TPRG1: variants seen among roughly 807,000 people sequenced by gnomAD.
The protein encoded by TPRG1 is tumor protein p63-regulated gene 1 protein.
Under a neutral mutation model 29.3 loss-of-function variants are expected in TPRG1, and 29 were observed. The observed-to-expected ratio is 0.99, with a 90% CI of 0.74 to 1.35. TPRG1 has a LOEUF of 1.35. Among genes scored for constraint, TPRG1 ranks in the 40% most tolerant of loss-of-function variants. The pLI is 0.00. For synonymous variants in TPRG1, 130 were observed against 116.8 expected, an observed-to-expected ratio of 1.11 and a Z score of -0.73; for missense variants, 327 against 335.0, an observed-to-expected ratio of 0.98 and a Z score of 0.19.
intron 4 of TPRG1, among the ~76,000 whole-genome samples, chr3:189,265,953 A>T (rs1188593157): frequency 1.3e-5 from 2 of 152,206 alleles, no homozygotes; most frequent in Non-Finnish European, 2.9e-5. Context: ...AGCCAAACCT[A>T]GTCCTAACTA....
At chr3:189,302,379 G>A (rs1720976380) in intron 4 of TPRG1, among the ~76,000 whole-genome samples, 1 of 152,142 alleles carries the variant, frequency 6.6e-6, no homozygotes, top group Admixed American at 6.5e-5. Flanking sequence ...GGACTTCATG[G>A]AGGATTTCTA....
At chr3:189,023,116 C>T (rs1374726931) in intron 3 of TPRG1, among the ~76,000 whole-genome samples, 18 of 152,210 alleles carry the variant, frequency 1.2e-4, no homozygotes, top group East Asian at 1.9e-4. Flanking sequence ...CACTGACCTG[C>T]GCCCACTGTC....
At chr3:189,117,584 A>AT (rs1721330272) in intron 1 of TPRG1, among the ~76,000 whole-genome samples, 1 of 152,180 alleles carries the variant, frequency 6.6e-6, no homozygotes, top group Non-Finnish European at 1.5e-5. Flanking sequence ...AGTTGTAATC[A>AT]TCACAGTCCT....
chr3:189,286,089 G>A (rs1418654481), intron 4 of TPRG1, among the ~76,000 whole-genome samples: 2 of 151,874 alleles, frequency 1.3e-5, no homozygotes, highest in African/African-American at 4.8e-5. Context: ...TGGCTTCCTT[G>A]GTACTTCTTT....
intron 1 of TPRG1, among the ~76,000 whole-genome samples, chr3:189,107,272 C>T (rs966487076): frequency 1.3e-5 from 2 of 152,078 alleles, no homozygotes; most frequent in African/African-American, 2.4e-5. Flanking sequence ...GGACCTCAGG[C>T]AGCCTATATG....
At chr3:189,299,297 C>G (rs1377703664) in intron 4 of TPRG1, among the ~76,000 whole-genome samples, 1 of 152,114 alleles carries the variant, frequency 6.6e-6, no homozygotes, top group Non-Finnish European at 1.5e-5. Flanking sequence ...TTTCCTCTGT[C>G]TACCTGGCAA....
chr3:189,100,020 C>T (rs1718997645), upstream of TPRG1: 1 of 152,220 alleles, frequency 6.6e-6, no homozygotes, highest in Non-Finnish European at 1.5e-5. Flanking sequence ...GGCTACGTTC[C>T]CTTTCACGAA....
intron 1 of TPRG1, among the ~76,000 whole-genome samples, chr3:189,199,734 A>G (rs975944659): frequency 6.6e-6 from 1 of 152,096 alleles, no homozygotes; most frequent in African/African-American, 2.4e-5. Flanking sequence ...CCAGCTACTC[A>G]GGAGGCTGAT....
At chr3:189,240,169 T>C (rs769358931) in intron 4 of TPRG1, 2 of 152,224 alleles carry the variant, frequency 1.3e-5, no homozygotes, top group Non-Finnish European at 2.9e-5. Context: ...GCTTACTCTT[T>C]TCATGGATGC....
At chr3:189,133,289 G>A (rs367705513) in intron 3 of TPRG1, among the ~76,000 whole-genome samples, 1 of 152,180 alleles carries the variant, frequency 6.6e-6, no homozygotes, top group Non-Finnish European at 1.5e-5. Context: ...AAGTAGTAAC[G>A]TTATGGGAAG....
intron 3 of TPRG1, among the ~76,000 whole-genome samples, chr3:189,216,144 GC>G (rs1297364856): frequency 6.6e-6 from 1 of 152,170 alleles, no homozygotes; most frequent in East Asian, 1.9e-4. Context: ...TACTACGGAA[GC>G]CTTAATATTA....
intron 1 of TPRG1, among the ~76,000 whole-genome samples, chr3:189,178,167 A>G (rs892229652): frequency 5.3e-5 from 8 of 152,198 alleles, no homozygotes; most frequent in East Asian, 3.8e-4. Context: ...AAGAAAATGG[A>G]GAAAATGGGC....
intron 4 of TPRG1, among the ~76,000 whole-genome samples, chr3:189,088,986 A>G (rs1332830662): frequency 6.8e-6 from 1 of 146,860 alleles, no homozygotes; most frequent in Non-Finnish European, 1.5e-5. Context: ...CTATCTATCT[A>G]TCTATCTATC....
At chr3:189,078,419 G>A (rs1356835434) in intron 4 of TPRG1, among the ~76,000 whole-genome samples, 1 of 151,986 alleles carries the variant, frequency 6.6e-6, no homozygotes, top group African/African-American at 2.4e-5. Context: ...TTACAGGTGT[G>A]AGCTACTGTG....
At chr3:189,245,891 C>G (rs1446883866) in intron 4 of TPRG1, among the ~76,000 whole-genome samples, 1 of 151,920 alleles carries the variant, frequency 6.6e-6, no homozygotes, top group Non-Finnish European at 1.5e-5. Flanking sequence ...GTGAATTGAG[C>G]CTTTTTTTCA....
chr3:189,271,871 C>T (rs559109671), intron 4 of TPRG1, among the ~76,000 whole-genome samples: 152 of 152,244 alleles, frequency 1.0e-3, no homozygotes, highest in Middle Eastern at 3.4e-3. Flanking sequence ...TTAACTTCTC[C>T]GTAGCTCTAA....
At chr3:189,207,008 T>G (rs1271402472) in intron 1 of TPRG1, among the ~76,000 whole-genome samples, 1 of 152,242 alleles carries the variant, frequency 6.6e-6, no homozygotes, top group Non-Finnish European at 1.5e-5. Flanking sequence ...CTTTTAACTC[T>G]TAAATAAGCT....
At chr3:189,276,912 G>T (rs895829997) in intron 4 of TPRG1, among the ~76,000 whole-genome samples, 6 of 151,896 alleles carry the variant, frequency 4.0e-5, no homozygotes, top group African/African-American at 1.5e-4. Flanking sequence ...TAAAATGAGT[G>T]ATTACTGGAC....
At chr3:189,012,457 A>G (rs1279569761) in intron 3 of TPRG1, among the ~76,000 whole-genome samples, 2 of 152,220 alleles carry the variant, frequency 1.3e-5, no homozygotes, top group East Asian at 3.8e-4. Flanking sequence ...CGAGTCTTGC[A>G]TCCCAGGGAT....
Sources: allele counts gnomAD v4.1 joint callset (sites outside exome capture counted in the v4.1 genomes callset), GRCh38; gene constraint gnomAD v4.1.1; transcripts MANE v1.5; gene names NCBI Gene and HGNC (gene_info 2026-07-23, HGNC 2026-07-21).